XIRP2: variants seen among roughly 807,000 people sequenced by gnomAD.
XIRP2 encodes the protein xin actin-binding repeat-containing protein 2.
XIRP2 carries 236 observed loss-of-function variants against 277.0 expected under a neutral mutation model. The observed-to-expected ratio is 0.85, with a 90% CI of 0.77 to 0.95. The LOEUF is 0.95. Among genes scored for constraint, XIRP2 ranks in the 40% least tolerant of loss-of-function variants. The probability of loss-of-function intolerance (pLI) is 0.00; values close to 1 mark genes in which losing one functional copy is unlikely to be tolerated. For synonymous variants in XIRP2, 1,490 were observed against 1,416.5 expected, an observed-to-expected ratio of 1.05 and a Z score of -1.17; for missense variants, 4,640 against 4,157.5, an observed-to-expected ratio of 1.12 and a Z score of -3.19.
chr2:167,149,869 C>A (rs1234302586), intron 3 of XIRP2, among the ~76,000 whole-genome samples: 1 of 151,828 alleles, frequency 6.6e-6, no homozygotes, highest in Non-Finnish European at 1.5e-5. Context: ...GTGCATATAA[C>A]CCACAACATA....
chr2:167,219,427 C>A (rs1694357720), intron 5 of XIRP2, among the ~76,000 whole-genome samples: 1 of 152,090 alleles, frequency 6.6e-6, no homozygotes, highest in South Asian at 2.1e-4. Context: ...GTTTAAATAA[C>A]AAATTCTACA....
chr2:166,970,861 G>A (rs1174507286), intron 2 of XIRP2, among the ~76,000 whole-genome samples: 1 of 151,590 alleles, frequency 6.6e-6, no homozygotes, highest in African/African-American at 2.4e-5. Context: ...AATATTAAAA[G>A]GTCTTAATAA....
chr2:167,202,561 A>T (rs1324183825), intron 3 of XIRP2, among the ~76,000 whole-genome samples: 3 of 152,188 alleles, frequency 2.0e-5, no homozygotes, highest in African/African-American at 7.2e-5. Context: ...GGACATAAAG[A>T]GTAATTTCAG....
chr2:167,052,902 A>C (rs1688950389), intron 2 of XIRP2, among the ~76,000 whole-genome samples: 2 of 152,202 alleles, frequency 1.3e-5, no homozygotes, highest in African/African-American at 4.8e-5. Flanking sequence ...GTTAAATTCA[A>C]GCTTATTGAG....
At chr2:166,922,719 G>T (rs892299540) in intron 2 of XIRP2, among the ~76,000 whole-genome samples, 9 of 150,870 alleles carry the variant, frequency 6.0e-5, no homozygotes, top group African/African-American at 2.2e-4. Flanking sequence ...TCACACCACT[G>T]CACTCCAGCC....
Position 167,258,702 on chromosome 2 carries a change from A to ATAAT in XIRP2, c.*887_*890dup, listed in dbSNP as rs1452817913. 5.6e-6 allele frequency: 9 copies of ATAAT among 1,613,084 alleles called. No individual in the cohort carries two copies. In the South Asian group the frequency reaches 9.9e-5, roughly 18 times the overall value. On this transcript the variant is annotated 3_prime_UTR_variant, in exon 11 of 11. Transcript: ENST00000409195. ...AATTATGTAGCAGTCTCATATCTGA[A>ATAAT]TAATTGCAGGCAGAAGACATCTATT...
chr2:167,096,059 G>C (rs533386152), intron 2 of XIRP2, among the ~76,000 whole-genome samples: 21 of 148,378 alleles, frequency 1.4e-4, no homozygotes, highest in African/African-American at 4.8e-4. Context: ...ATTTTTAGTA[G>C]AGACTGGATT....
At chr2:166,935,468 G>T (rs556312258) in intron 2 of XIRP2, among the ~76,000 whole-genome samples, 2 of 151,708 alleles carry the variant, frequency 1.3e-5, no homozygotes, top group Non-Finnish European at 2.9e-5. Context: ...CAACGTGCAC[G>T]TTTGTTACAT....
intron 2 of XIRP2, among the ~76,000 whole-genome samples, chr2:167,078,330 G>A (rs7423376): frequency 0.94 from 143,205 of 152,264 alleles, 67,507 homozygotes; most frequent in Non-Finnish European, 0.98. Flanking sequence ...TTGATACTGT[G>A]TCCTGAAACT....
chr2:167,236,606 G>A (rs754322831), intron 5 of XIRP2, among the ~76,000 whole-genome samples: 2 of 152,004 alleles, frequency 1.3e-5, no homozygotes, highest in Non-Finnish European at 2.9e-5. Flanking sequence ...AAAGACATGA[G>A]TTTAAGTGTG....
intron 3 of XIRP2, among the ~76,000 whole-genome samples, chr2:167,138,732 T>C (rs1691627151): frequency 6.6e-6 from 1 of 152,094 alleles, no homozygotes; most frequent in African/African-American, 2.4e-5. Flanking sequence ...AATCAATCAG[T>C]GTAAATGATT....
chr2:166,942,148 T>C (rs1685737779), intron 2 of XIRP2, among the ~76,000 whole-genome samples: 1 of 152,206 alleles, frequency 6.6e-6, no homozygotes, highest in Non-Finnish European at 1.5e-5. Flanking sequence ...CAAGCACCTA[T>C]GCCCTGGCAA....
chr2:167,128,505 A>G lies in XIRP2; in HGVS notation c.409-7404A>G, dbSNP rs909271667. 2.3e-4 allele frequency among the ~76,000 whole-genome samples: 35 copies of G among 152,158 alleles called. 1 individual carries two copies. The highest frequency in any genetic ancestry group is 8.4e-4 in the African/African-American group (35 of 41,444). ...CTGACTTCATATCTACACATTCCAC[A>G]GGGCTCACTATGAGACTTGAACGTG... is the stretch of plus-strand genomic sequence containing the variant. On this transcript the variant is annotated intron_variant, in intron 2 of 10. Transcript: ENST00000409195.
rs200397806 is a variant in XIRP2 at position 167,245,850 on chromosome 2, T to C, written c.4458T>C (p.Asp1486=). 294 of 1,613,650 alleles carry C rather than the reference T, an allele frequency of 1.8e-4. No homozygotes were observed. Among genetic ancestry groups the C allele is most frequent in the Non-Finnish European group, 6.5e-5 (77 of 1,179,804 alleles). Residue 1486 remains aspartate, a synonymous_variant, in exon 9 of 11, where the codon GAT becomes GAC. Transcript: ENST00000409195. ...CTCAGGAAGATGTGCAGAAAGGTGA[T>C]GTTAAGCAGGCTGTGTGGCTTTTTG... ...TVTQEDVQKG[D]VKQAVWLFEN...
At chr2:167,210,975 G>T in intron 4 of XIRP2, 80 bp downstream of exon 4, 1 of 1,539,308 alleles carries the variant, frequency 6.5e-7, no homozygotes, top group South Asian at 1.2e-5. Flanking sequence ...TGAAATGTAA[G>T]AATACTACTG....
chr2:167,154,773 CA>C (rs967526592), intron 3 of XIRP2, among the ~76,000 whole-genome samples: 3 of 151,636 alleles, frequency 2.0e-5, no homozygotes, highest in African/African-American at 4.8e-5. Flanking sequence ...AATAGAGACA[CA>C]AAAAACCCTT....
intron 1 of XIRP2, among the ~76,000 whole-genome samples, chr2:166,888,954 T>C (rs1448432709): frequency 1.3e-5 from 2 of 152,156 alleles, no homozygotes; most frequent in African/African-American, 2.4e-5. Context: ...AGAAAGCATC[T>C]GGGCAATTCT....
chr2:166,894,872 G>C (rs1460069576), intron 1 of XIRP2, among the ~76,000 whole-genome samples: 1 of 152,104 alleles, frequency 6.6e-6, no homozygotes, highest in Admixed American at 6.6e-5. Context: ...TATTTTGAGG[G>C]TGCTAAAATA....
intron 1 of XIRP2, among the ~76,000 whole-genome samples, chr2:166,892,021 C>T (rs1301644461): frequency 6.6e-6 from 1 of 152,106 alleles, no homozygotes; most frequent in East Asian, 1.9e-4. Context: ...CAATCTTCGT[C>T]TGTTCTGTCA....
Sources: allele counts gnomAD v4.1 joint callset (sites outside exome capture counted in the v4.1 genomes callset), GRCh38; gene constraint gnomAD v4.1.1; transcripts MANE v1.5; gene names NCBI Gene and HGNC (gene_info 2026-07-23, HGNC 2026-07-21).